PIEZO2: variants seen among roughly 807,000 people sequenced by gnomAD.
PIEZO2 encodes the protein piezo-type mechanosensitive ion channel component 2.
PIEZO2 carries 172 observed loss-of-function variants against 337.3 expected under a neutral mutation model. The ratio of observed to expected loss-of-function variants is 0.51; its 90% CI spans 0.45 to 0.58. The LOEUF (loss-of-function observed/expected upper bound fraction) is 0.58. PIEZO2 is among the 20% of genes least tolerant of loss of function. PIEZO2 has a pLI of 0.00. For missense variants in PIEZO2, 3,028 were observed against 3,391.3 expected, an observed-to-expected ratio of 0.89 and a Z score of 2.66; for synonymous variants, 1,251 against 1,228.5, an observed-to-expected ratio of 1.02 and a Z score of -0.38.
At position 10,671,495 on chromosome 18, in the gene PIEZO2, T is replaced by C. The variant is rs552784295; in HGVS notation, c.*32A>G. The C allele has an allele frequency of 3.8e-6, 6 of 1,577,460 alleles. No individual in the cohort carries two copies. The African/African-American group carries it at 8.2e-5, about 22-fold the overall frequency. Reference sequence around the variant, plus strand: ...TGTGCTTTTAAAAAAAATTCAAATGTTAACATTATTTGCAGTCTGTGTTCT... The same window carrying C: ...TGTGCTTTTAAAAAAAATTCAAATGCTAACATTATTTGCAGTCTGTGTTCT... On this transcript the variant is annotated 3_prime_UTR_variant, in exon 56 of 56. Transcript: ENST00000674853.
chr18:11,066,107 C>A lies in PIEZO2; in HGVS notation c.160+20G>T, dbSNP rs779810971. On this transcript the variant is annotated intron_variant, in intron 2 of 55. Coordinates refer to ENST00000674853, the MANE Select transcript of PIEZO2 (RefSeq NM_001378183.1). Reference sequence around the variant, plus strand: ...TCAGACTGTATAACTCTGTGGTATACGATAACAAAATTCTCTTACCTTGCA... The same window carrying A: ...TCAGACTGTATAACTCTGTGGTATAAGATAACAAAATTCTCTTACCTTGCA... 6.6e-7 allele frequency: 1 copy of A among 1,505,836 alleles called. No homozygotes were observed. The highest frequency in any genetic ancestry group is 8.9e-7 in the Non-Finnish European group (1 of 1,118,580). The allele number at this position is 1,505,836 out of a possible 1,614,324, so 93.3% of individuals were successfully genotyped here.
chr18:10,740,708 C>T lies in PIEZO2; in HGVS notation c.4708+323G>A, dbSNP rs550837917. 11 of 473,388 alleles carry T rather than the reference C, an allele frequency of 2.3e-5. No individual in the cohort carries two copies. The East Asian group carries it at 3.3e-4, about 14-fold the overall frequency. The allele number at this position is 473,388 out of a possible 1,614,324, so 29.3% of individuals were successfully genotyped here. On this transcript the variant is annotated intron_variant, in intron 33 of 55. Coordinates refer to ENST00000674853, the MANE Select transcript of PIEZO2 (RefSeq NM_001378183.1). ...AAAATATGTATGTGAATAGGGCTCT[C>T]GACCTCAGAATTGGGCAATATAATA... is the stretch of plus-strand genomic sequence containing the variant.
At chr18:10,755,647 A>G (rs1316864729) in intron 27 of PIEZO2, among the ~76,000 whole-genome samples, 1 of 152,222 alleles carries the variant, frequency 6.6e-6, no homozygotes, top group African/African-American at 2.4e-5. Context: ...TGAGGGAAAC[A>G]TGGCCCAGAT....
intron 11 of PIEZO2, among the ~76,000 whole-genome samples, chr18:10,799,913 C>T (rs1303619929): frequency 6.7e-6 from 1 of 149,450 alleles, no homozygotes; most frequent in African/African-American, 2.5e-5. Context: ...GCAAAGGTTG[C>T]AGTGAGCTGA....
chr18:10,723,364 G>A (rs1221143834), intron 36 of PIEZO2, among the ~76,000 whole-genome samples: 2 of 152,052 alleles, frequency 1.3e-5, no homozygotes, highest in African/African-American at 2.4e-5. Context: ...ATGGAGAGCT[G>A]GGAATAAAAG....
intron 52 of PIEZO2, among the ~76,000 whole-genome samples, chr18:10,678,361 T>TG: frequency 6.6e-6 from 1 of 152,318 alleles, no homozygotes; most frequent in Non-Finnish European, 1.5e-5. Flanking sequence ...TGTACAGAAT[T>TG]GGATATAAGG....
chr18:10,794,722 G>T lies in PIEZO2; in HGVS notation c.1758+50C>A. ...TTCTCTTGGATACGATTATGATGAT[G>T]ATTGTGGTTTTGTGTCATTGTTTTG... is the stretch of plus-strand genomic sequence containing the variant. On this transcript the variant is annotated intron_variant, in intron 13 of 55. Transcript: ENST00000674853. The surrounding 1 kb of genome is among the most constrained non-coding windows in gnomAD (Gnocchi z 6.6). 7 of 1,288,598 alleles carry T rather than the reference G, an allele frequency of 5.4e-6. No individual in the cohort carries two copies. The highest frequency in any genetic ancestry group is 1.4e-5 in the South Asian group (1 of 69,158). 79.8% of individuals were successfully genotyped at this position (1,288,598 alleles called of 1,614,324 possible).
At chr18:10,825,893 A>C (rs550390948) in intron 7 of PIEZO2, among the ~76,000 whole-genome samples, 1 of 152,268 alleles carries the variant, frequency 6.6e-6, no homozygotes, top group South Asian at 2.1e-4. Context: ...GTCACAATGC[A>C]CAGCCCACAC....
rs2036573105 is a variant in PIEZO2 at position 10,727,046 on chromosome 18, G to A, written c.5029+4361C>T. 1.6e-6 allele frequency: 1 copy of A among 636,670 alleles called. No individual in the cohort carries two copies. The highest frequency in any genetic ancestry group is 2.6e-6 in the Non-Finnish European group (1 of 391,346). The allele number at this position is 636,670 out of a possible 1,614,324, so 39.4% of individuals were successfully genotyped here. A position where few individuals can be genotyped will look rare whatever the true frequency, so the allele number is the denominator to read the frequency against. On this transcript the variant is annotated intron_variant, in intron 36 of 55. Coordinates refer to ENST00000674853, the MANE Select transcript of PIEZO2 (RefSeq NM_001378183.1). The surrounding 1 kb of genome is among the most constrained non-coding windows in gnomAD (Gnocchi z 6.3). ...TTCCACGGTCTGGGTGTTTCTTGGG[G>A]GGTGTTGGGAGGGCAGGAGCATTCC...
chr18:10,705,411 C>G lies in PIEZO2; in HGVS notation c.5924G>C (p.Arg1975Pro). The G allele has an allele frequency of 6.5e-7, 1 of 1,537,238 alleles. No homozygotes were observed. Among genetic ancestry groups the G allele is most frequent in the Non-Finnish European group, 8.7e-7 (1 of 1,146,908 alleles). Residue 1975 changes from arginine (R) to proline (P), a missense_variant, in exon 41 of 56, where the codon CGC (arginine) becomes CCC (proline). Coordinates refer to ENST00000674853, the MANE Select transcript of PIEZO2 (RefSeq NM_001378183.1). Reference sequence around the variant, plus strand: ...GATGCTGGACCCCAGCTTGTCGGTGCGGCTGTCGTCCGGGCTGACTGCCAT... The same window carrying G: ...GATGCTGGACCCCAGCTTGTCGGTGGGGCTGTCGTCCGGGCTGACTGCCAT... ...NRMAVSPDDS[R>P]TDKLGSSILP... is the part of the protein sequence containing the mutation.
chr18:10,768,491 G>A (rs2038460466), intron 21 of PIEZO2, among the ~76,000 whole-genome samples: 1 of 152,330 alleles, frequency 6.6e-6, no homozygotes, highest in South Asian at 2.1e-4. Context: ...CATGCAGGTG[G>A]GGTGACATCA....
intron 4 of PIEZO2, among the ~76,000 whole-genome samples, chr18:10,882,602 C>T (rs1254209086): frequency 6.6e-6 from 1 of 151,960 alleles, no homozygotes; most frequent in South Asian, 2.1e-4. Flanking sequence ...AACATTTTTT[C>T]CCATCATCTC....
intron 42 of PIEZO2, 21 bp downstream of exon 42, chr18:10,704,373 G>A (rs1423824284): frequency 6.5e-7 from 1 of 1,535,780 alleles, no homozygotes; most frequent in Admixed American, 2.0e-5. Context: ...GCCATCCACA[G>A]GGGTCTGCGT....
chr18:10,812,336 C>G (rs945878062), intron 7 of PIEZO2, among the ~76,000 whole-genome samples: 11 of 152,034 alleles, frequency 7.2e-5, no homozygotes, highest in African/African-American at 2.4e-4. Flanking sequence ...TGAGTACACA[C>G]GGACACTAAG....
chr18:10,877,390 C>T lies in PIEZO2; in HGVS notation c.330-5975G>A, dbSNP rs1392566014. Among the ~76,000 whole-genome samples the T allele has an allele frequency of 6.6e-6, 1 of 152,108 alleles. No homozygotes were observed. The highest frequency in any genetic ancestry group is 2.4e-5 in the African/African-American group (1 of 41,418). On this transcript the variant is annotated intron_variant, in intron 4 of 55. Coordinates refer to ENST00000674853, the MANE Select transcript of PIEZO2 (RefSeq NM_001378183.1). The surrounding 1 kb of genome is among the most constrained non-coding windows in gnomAD (Gnocchi z 5.3). ...GTTTTAAGGGCAAATAATGTAATGC[C>T]CAGTCCAACTCGTCCGCTGAGAAAC...
intron 4 of PIEZO2, among the ~76,000 whole-genome samples, chr18:10,886,764 G>C (rs577346776): frequency 1.3e-5 from 2 of 151,778 alleles, no homozygotes; most frequent in South Asian, 4.2e-4. Context: ...GGCTGATCAG[G>C]GGGAACTACT....
intron 3 of PIEZO2, among the ~76,000 whole-genome samples, chr18:10,941,014 G>T (rs1040846632): frequency 6.6e-6 from 1 of 152,076 alleles, no homozygotes; most frequent in Non-Finnish European, 1.5e-5. Context: ...GACCAAACTT[G>T]CCTGGGTTTA....
chr18:10,780,391 A>G (rs1019662173), intron 17 of PIEZO2, 25 bp from the exon 18 acceptor site: 3 of 702,978 alleles, frequency 4.3e-6, no homozygotes, highest in South Asian at 1.5e-5. Context: ...ACGGAAGCAC[A>G]GGGATGCAAT....
intron 3 of PIEZO2, among the ~76,000 whole-genome samples, chr18:10,932,782 GGT>G (rs1417431193): frequency 2.0e-5 from 3 of 152,012 alleles, no homozygotes; most frequent in African/African-American, 4.8e-5. Context: ...AAATTAGCCA[GGT>G]GTGATGGTGC....
Sources: allele counts gnomAD v4.1 joint callset (sites outside exome capture counted in the v4.1 genomes callset), GRCh38; gene constraint gnomAD v4.1.1; non-coding constraint Gnocchi (gnomAD v3.1); transcripts MANE v1.5; gene names NCBI Gene and HGNC (gene_info 2026-07-23, HGNC 2026-07-21).